The following MTMR2 variants were observed in gnomAD, a reference collection of about 807,000 sequenced individuals.
MTMR2 encodes phosphatidylinositol-3,5-bisphosphate 3-phosphatase MTMR2.
Under a neutral mutation model 86.9 loss-of-function variants are expected in MTMR2, and 55 were observed. That is an observed-to-expected ratio of 0.63 (90% confidence interval 0.51 to 0.79). The LOEUF (loss-of-function observed/expected upper bound fraction) is 0.79. Ranked by LOEUF, MTMR2 falls within the 30% of genes least tolerant of loss-of-function variation. The pLI is 0.00. For synonymous variants in MTMR2, 241 were observed against 266.8 expected (o/e 0.90, Z 0.94); for missense variants, 659 against 772.3 (o/e 0.85, Z 1.74).
intron 7 of MTMR2, among the ~76,000 whole-genome samples, chr11:95,854,126 C>A (rs747430194): frequency 1.3e-5 from 2 of 152,112 alleles, no homozygotes; most frequent in Middle Eastern, 3.4e-3. Context: ...TTAGATAAGC[C>A]GACACACCTA....
intron 5 of MTMR2, among the ~76,000 whole-genome samples, chr11:95,859,648 G>A (rs577733333): frequency 6.6e-5 from 10 of 152,126 alleles, no homozygotes; most frequent in Non-Finnish European, 1.0e-4. Context: ...AACATAGTGA[G>A]ACCTTGTCTC....
At chr11:95,923,752 G>A in intron 1 of MTMR2, 123 bp downstream of exon 1, 2 of 1,481,860 alleles carry the variant, frequency 1.3e-6, no homozygotes, top group Admixed American at 2.3e-5. Context: ...CAAGTCCCGG[G>A]GAAGGAATTC....
intron 2 of MTMR2, among the ~76,000 whole-genome samples, chr11:95,877,799 G>C (rs1241369202): frequency 6.6e-6 from 1 of 151,996 alleles, no homozygotes; most frequent in Non-Finnish European, 1.5e-5. Flanking sequence ...CTAGGAGAAA[G>C]GTATGGAATA....
chr11:95,909,979 A>C (rs560106768), intron 1 of MTMR2, among the ~76,000 whole-genome samples: 1 of 152,114 alleles, frequency 6.6e-6, no homozygotes, highest in Non-Finnish European at 1.5e-5. Flanking sequence ...ATAATGTAAA[A>C]TGTCTTCATG....
At chr11:95,875,598 G>A (rs1200010828) in intron 2 of MTMR2, among the ~76,000 whole-genome samples, 5 of 152,006 alleles carry the variant, frequency 3.3e-5, no homozygotes, top group African/African-American at 9.7e-5. Flanking sequence ...CTCTCAACTC[G>A]TCAAAGTCAT....
Position 95,858,533 on chromosome 11 carries a change from G to A in MTMR2, c.568C>T (p.Leu190=), listed in dbSNP as rs1320767932. 2 of 1,600,776 alleles carry A rather than the reference G, an allele frequency of 1.2e-6. No homozygotes were observed. The highest frequency in any genetic ancestry group is 1.7e-6 in the Non-Finnish European group (2 of 1,168,232). Reference sequence around the variant, plus strand: ...TCCAAAGACAGGAAACATTTTACCAGGTTATTAGAGACAGGAAATGCATAT... The same window carrying A: ...TCCAAAGACAGGAAACATTTTACCAAGTTATTAGAGACAGGAAATGCATAT... ...MKYAFPVSNN[L]PLFAFEYKEV... is the part of the protein sequence containing the mutation. Residue 190 remains leucine, a splice_region_variant and synonymous_variant, in exon 6 of 15, where the codon CTG becomes TTG. Coordinates refer to ENST00000346299, the MANE Select transcript of MTMR2 (RefSeq NM_016156.6).
At chr11:95,852,765 C>T (rs879517234) in intron 7 of MTMR2, among the ~76,000 whole-genome samples, 2 of 152,096 alleles carry the variant, frequency 1.3e-5, no homozygotes, top group Non-Finnish European at 2.9e-5. Flanking sequence ...TGGCCGGGCA[C>T]GGTGGCTCAC....
intron 1 of MTMR2, among the ~76,000 whole-genome samples, chr11:95,901,584 C>A (rs1186688453): frequency 6.6e-6 from 1 of 151,932 alleles, no homozygotes; most frequent in Non-Finnish European, 1.5e-5. Context: ...AGTGGCACAG[C>A]CAGAGAGAGA....
In MTMR2 at chr11:95,891,266, C is replaced by G. The variant is rs913221992; in HGVS notation, c.81-3005G>C. 2.9e-4 allele frequency among the ~76,000 whole-genome samples: 44 copies of G among 152,114 alleles called. 1 individual carries two copies. Among genetic ancestry groups the G allele is most frequent in the Non-Finnish European group, 1.5e-5 (1 of 68,018 alleles). ...AGGAGTTCAAAACCAGCCTGGGCAACATGGTGAAACTCCCTCTCTACTAAA... is the reference window on the plus strand; with the variant it reads ...AGGAGTTCAAAACCAGCCTGGGCAAGATGGTGAAACTCCCTCTCTACTAAA... On this transcript the variant is annotated intron_variant, in intron 1 of 14. Transcript: ENST00000346299.
chr11:95,873,290 T>C (rs1460894291), intron 2 of MTMR2, among the ~76,000 whole-genome samples: 4 of 152,232 alleles, frequency 2.6e-5, no homozygotes, highest in Non-Finnish European at 5.9e-5. Context: ...TCAGAGCCTG[T>C]TATTGGTCTA....
intron 2 of MTMR2, among the ~76,000 whole-genome samples, chr11:95,886,851 T>C (rs1388092364): frequency 1.3e-5 from 2 of 152,152 alleles, no homozygotes; most frequent in African/African-American, 4.8e-5. Flanking sequence ...ATTAGATACA[T>C]ACATATATTT....
intron 6 of MTMR2, 140 bp downstream of exon 6, chr11:95,858,391 T>G: frequency 1.5e-6 from 1 of 675,172 alleles, no homozygotes; most frequent in East Asian, 2.6e-5. Flanking sequence ...TCTAAGAGAC[T>G]AAGTTACACT....
In MTMR2 at chr11:95,848,805, GA is replaced by G. The variant is rs376265400; in HGVS notation, c.993+868del. ...TTCCTTTCTGACACTGAGAGTCTGG[GA>G]AATCGTTTGGCACAATTATAGAATT... On this transcript the variant is annotated intron_variant, in intron 9 of 14. Coordinates refer to ENST00000346299, the MANE Select transcript of MTMR2 (RefSeq NM_016156.6). Among the ~76,000 whole-genome samples the G allele has an allele frequency of 3.1e-3, 469 of 152,228 alleles. 3 individuals carry two copies. The highest frequency in any genetic ancestry group is 0.011 in the African/African-American group (450 of 41,540).
intron 3 of MTMR2, among the ~76,000 whole-genome samples, chr11:95,863,439 T>G (rs1290303282): frequency 1.3e-5 from 2 of 152,228 alleles, no homozygotes; most frequent in Non-Finnish European, 2.9e-5. Context: ...TTAGGAACAT[T>G]TTAAGTATAA....
At chr11:95,877,708 C>T (rs1865176254) in intron 2 of MTMR2, among the ~76,000 whole-genome samples, 1 of 151,984 alleles carries the variant, frequency 6.6e-6, no homozygotes, top group Non-Finnish European at 1.5e-5. Flanking sequence ...AGGGAGAATG[C>T]CCCATGAAGA....
At chr11:95,840,941 A>C (rs1297278941) in intron 12 of MTMR2, among the ~76,000 whole-genome samples, 1 of 152,146 alleles carries the variant, frequency 6.6e-6, no homozygotes, top group Non-Finnish European at 1.5e-5. Flanking sequence ...CAGGGTTTCG[A>C]GATGGTTTGA....
At chr11:95,901,530 G>T (rs113962264) in intron 1 of MTMR2, among the ~76,000 whole-genome samples, 14 of 151,988 alleles carry the variant, frequency 9.2e-5, no homozygotes, top group Non-Finnish European at 1.6e-4. Flanking sequence ...ATAAAGTATC[G>T]CCCAGAGAAG....
intron 1 of MTMR2, chr11:95,914,358 G>A (rs1323280530): frequency 1.0e-6 from 1 of 984,982 alleles, no homozygotes; most frequent in Non-Finnish European, 1.2e-6. Context: ...GAAATTTAAG[G>A]AACCCTAAAA....
chr11:95,904,276 T>C (rs1866176527), intron 1 of MTMR2, among the ~76,000 whole-genome samples: 3 of 152,230 alleles, frequency 2.0e-5, no homozygotes, highest in Non-Finnish European at 4.4e-5. Context: ...CTAATCAGCA[T>C]AGAAACAAAG....
Sources: gnomAD v4.1 joint callset for allele counts (sites outside exome capture counted in the v4.1 genomes callset) on GRCh38, gnomAD v4.1.1 for gene constraint, MANE v1.5 for transcripts, NCBI Gene and HGNC (gene_info 2026-07-23, HGNC 2026-07-21) for gene names.